Variants in RAP1GAP2 observed in about 807,000 individuals in gnomAD.
RAP1GAP2 encodes the protein rap1 GTPase-activating protein 2.
RAP1GAP2 carries 27 observed loss-of-function variants against 95.0 expected under a neutral mutation model. That is an observed-to-expected ratio of 0.28 (90% CI 0.21 to 0.39). RAP1GAP2 has a LOEUF of 0.39. Among genes scored for constraint, RAP1GAP2 ranks in the 10% least tolerant of loss-of-function variants. RAP1GAP2 has a pLI of 1.00. For synonymous variants in RAP1GAP2, 373 were observed against 380.9 expected (o/e 0.98, Z 0.24); for missense variants, 771 against 970.0 (o/e 0.79, Z 2.72).
At chr17:2,920,183 A>AT (rs1567778992) in intron 3 of RAP1GAP2, among the ~76,000 whole-genome samples, 2 of 152,014 alleles carry the variant, frequency 1.3e-5, no homozygotes, top group African/African-American at 4.8e-5. Flanking sequence ...CTTAAAAAAA[A>AT]TTTTTTTTAA....
intron 8 of RAP1GAP2, among the ~76,000 whole-genome samples, chr17:2,979,006 T>TAA (rs71377563): frequency 6.6e-6 from 1 of 151,216 alleles, no homozygotes; most frequent in East Asian, 1.9e-4. Context: ...ATAAAAAAAA[T>TAA]AAAAAAATTC....
rs757700752 is a variant in RAP1GAP2, at chr17:3,032,439, G to A, written c.*20G>A. On this transcript the variant is annotated 3_prime_UTR_variant, in exon 24 of 25. Coordinates refer to ENST00000254695, the MANE Select transcript of RAP1GAP2 (RefSeq NM_015085.5). ...CACTAATGTGAAAGTGGAGTCCTTC[G>A]CCTGTCCAAGGTGGGTTGAGTGAAT... 2.5e-6 allele frequency: 4 copies of A among 1,613,756 alleles called. No homozygotes were observed. Among genetic ancestry groups the A allele is most frequent in the South Asian group, 1.1e-5 (1 of 91,078 alleles).
chr17:2,821,790 A>T (rs1597373727), intron 2 of RAP1GAP2, among the ~76,000 whole-genome samples: 1 of 152,094 alleles, frequency 6.6e-6, no homozygotes, highest in African/African-American at 2.4e-5. Flanking sequence ...TACCATAGGG[A>T]ACAACGCAGG....
intron 2 of RAP1GAP2, among the ~76,000 whole-genome samples, chr17:2,852,870 C>G (rs867759608): frequency 1.3e-5 from 2 of 152,262 alleles, no homozygotes; most frequent in Non-Finnish European, 1.5e-5. Flanking sequence ...CCCCAGGAGC[C>G]GGCGCGACCT....
intron 8 of RAP1GAP2, among the ~76,000 whole-genome samples, chr17:2,970,538 C>G (rs1370998584): frequency 6.6e-6 from 1 of 152,102 alleles, no homozygotes; most frequent in African/African-American, 2.4e-5. Flanking sequence ...TATTCCAAAG[C>G]CTCTTCAGTA....
At chr17:2,916,154 C>T (rs1028203110) in intron 3 of RAP1GAP2, among the ~76,000 whole-genome samples, 4 of 152,158 alleles carry the variant, frequency 2.6e-5, no homozygotes, top group Non-Finnish European at 5.9e-5. Flanking sequence ...CCTTGCTGAA[C>T]TGCTTTGGTG....
At chr17:2,905,877 T>C (rs1758553360) in intron 3 of RAP1GAP2, among the ~76,000 whole-genome samples, 2 of 152,300 alleles carry the variant, frequency 1.3e-5, no homozygotes, top group South Asian at 4.2e-4. Flanking sequence ...GCCTTTTTCC[T>C]GGGGAGACCA....
chr17:2,879,595 C>T (rs185807528), intron 2 of RAP1GAP2, among the ~76,000 whole-genome samples: 1,540 of 151,900 alleles, frequency 0.01, 15 homozygotes, highest in Middle Eastern at 0.017. Flanking sequence ...GTATGGTGGT[C>T]GGCGCCTGTA....
At chr17:2,810,262 G>C (rs1373129459) in intron 2 of RAP1GAP2, among the ~76,000 whole-genome samples, 1 of 152,108 alleles carries the variant, frequency 6.6e-6, no homozygotes, top group Non-Finnish European at 1.5e-5. Flanking sequence ...CCTTCCCTGG[G>C]GGCGCTGGGA....
At chr17:2,756,933 G>C (rs2071159667) in intron 1 of RAP1GAP2, among the ~76,000 whole-genome samples, 1 of 152,146 alleles carries the variant, frequency 6.6e-6, no homozygotes, top group Admixed American at 6.6e-5. Flanking sequence ...CTTTTCCTCT[G>C]TTTTGCATAT....
chr17:2,840,847 A>G (rs932201744), intron 2 of RAP1GAP2, among the ~76,000 whole-genome samples: 1 of 151,982 alleles, frequency 6.6e-6, no homozygotes. Context: ...AAAATACAAA[A>G]ATTAGCTGGG....
At chr17:2,819,300 G>GCA in intron 2 of RAP1GAP2, among the ~76,000 whole-genome samples, 1 of 150,496 alleles carries the variant, frequency 6.6e-6, no homozygotes, top group East Asian at 2.0e-4. Context: ...GATTACAGAT[G>GCA]TGAGCCACCA....
intron 3 of RAP1GAP2, among the ~76,000 whole-genome samples, chr17:2,911,587 G>A (rs1023215542): frequency 6.6e-6 from 1 of 151,658 alleles, no homozygotes; most frequent in Non-Finnish European, 1.5e-5. Flanking sequence ...CAGGGGCCCT[G>A]ACTGAGCCGG....
chr17:2,917,950 A>G (rs748170715), intron 3 of RAP1GAP2, among the ~76,000 whole-genome samples: 12 of 152,090 alleles, frequency 7.9e-5, no homozygotes, highest in Non-Finnish European at 1.6e-4. Flanking sequence ...TCCTGACCTC[A>G]GGTGATCCAC....
chr17:2,774,479 CG>C (rs2068454368), upstream of RAP1GAP2, among the ~76,000 whole-genome samples: 1 of 97,998 alleles, frequency 1.0e-5, no homozygotes, highest in Non-Finnish European at 1.8e-5. Context: ...CCCCTGCTAT[CG>C]TTTTTTTTTT....
intron 11 of RAP1GAP2, among the ~76,000 whole-genome samples, 171 bp from the exon 12 acceptor site, chr17:2,991,126 C>T (rs1266277344): frequency 6.6e-6 from 1 of 152,088 alleles, no homozygotes; most frequent in East Asian, 1.9e-4. Flanking sequence ...AGTGAGTCTC[C>T]ATCAGTCCCT....
intron 3 of RAP1GAP2, among the ~76,000 whole-genome samples, chr17:2,934,495 G>A (rs566673441): frequency 2.0e-5 from 3 of 152,260 alleles, no homozygotes; most frequent in Non-Finnish European, 2.9e-5. Flanking sequence ...TCCCCATTGC[G>A]CAGAGAAGAA....
chr17:2,886,120 A>G (rs2073489999), intron 2 of RAP1GAP2, among the ~76,000 whole-genome samples: 1 of 149,094 alleles, frequency 6.7e-6, no homozygotes, highest in Non-Finnish European at 1.5e-5. Flanking sequence ...TTTTTTTCCC[A>G]ATGAATATGT....
Position 2,963,939 on chromosome 17 carries a change from C to T in RAP1GAP2, c.363C>T (p.Gly121=), listed in dbSNP as rs763070491. The change falls in exon 7 of 25, where the codon GGC becomes GGT. Residue 121 remains glycine, a synonymous_variant. Coordinates refer to ENST00000254695, the MANE Select transcript of RAP1GAP2 (RefSeq NM_015085.5). This position sits in a 1 kb window ranked among gnomAD's most constrained non-coding sequence, Gnocchi z 4.8. ...GYWIEDPENV[G]TPTSLGSSIC... is the part of the protein sequence containing the mutation. The stretch of plus-strand genomic sequence containing the variant: ...GGATCGAGGACCCGGAGAACGTGGG[C>T]ACCCCAACATCGCTGGGGAGCAGCA... 8.7e-6 allele frequency: 14 copies of T among 1,613,186 alleles called. No homozygotes were observed. The highest frequency in any genetic ancestry group is 1.1e-5 in the Non-Finnish European group (13 of 1,179,784).
Sources: allele counts gnomAD v4.1 joint callset (sites outside exome capture counted in the v4.1 genomes callset), GRCh38; gene constraint gnomAD v4.1.1; non-coding constraint Gnocchi (gnomAD v3.1); transcripts MANE v1.5; gene names NCBI Gene and HGNC (gene_info 2026-07-23, HGNC 2026-07-21).